FCRL5: variants seen among roughly 807,000 people sequenced by gnomAD.
FCRL5 encodes the protein Fc receptor-like protein 5.
In FCRL5, 79 loss-of-function variants were observed where a neutral mutation model predicts 92.1. That is an observed-to-expected ratio of 0.86 (90% CI 0.72 to 1.03). The LOEUF is 1.03. Ranked by LOEUF, FCRL5 falls within the 50% of genes least tolerant of loss-of-function variation. The pLI is 0.00. For synonymous variants in FCRL5, 466 were observed against 469.3 expected, an observed-to-expected ratio of 0.99 and a Z score of 0.09; for missense variants, 1,160 against 1,181.1, an observed-to-expected ratio of 0.98 and a Z score of 0.26.
intron 9 of FCRL5, among the ~76,000 whole-genome samples, chr1:157,526,458 T>A (rs1376507200): frequency 2.0e-5 from 3 of 151,250 alleles, no homozygotes; most frequent in African/African-American, 7.3e-5. Flanking sequence ...CAAGAGAGGG[T>A]TTTCCTTGGA....
rs1180662180 is a variant in FCRL5 at position 157,521,092 on chromosome 1, A to G, written c.2440T>C (p.Ser814Pro). ...TCGGCCTCACAGGAGTAGTTTCCAG[A>G]GTGCTCTGCAGTCAGAGAGAGGTTT... ...SLNLSLTAEH[S>P]GNYSCEADNG... is the part of the protein sequence containing the mutation. Residue 814 changes from serine (S) to proline (P), a missense_variant, in exon 11 of 17, where the codon TCT (serine) becomes CCT (proline). Coordinates refer to ENST00000361835, the MANE Select transcript of FCRL5 (RefSeq NM_031281.3). The G allele has an allele frequency of 3.7e-6, 6 of 1,614,204 alleles. No individual in the cohort carries two copies. Among genetic ancestry groups the G allele is most frequent in the Non-Finnish European group, 5.1e-6 (6 of 1,180,040 alleles).
At chr1:157,542,564 G>A (rs758171455) in intron 6 of FCRL5, 3 of 382,580 alleles carry the variant, frequency 7.8e-6, no homozygotes, top group Non-Finnish European at 1.4e-5. Flanking sequence ...AGTCATCTGG[G>A]GAGCCACAGG....
chr1:157,530,417 A>G (rs1478777674), intron 8 of FCRL5, among the ~76,000 whole-genome samples: 1 of 152,148 alleles, frequency 6.6e-6, no homozygotes, highest in African/African-American at 2.4e-5. Context: ...CCCAGGCTGG[A>G]GTGCAATGGC....
Position 157,518,729 on chromosome 1 carries a change from C to T in FCRL5, c.2714G>A (p.Trp905Ter), listed in dbSNP as rs200367166. The T allele has an allele frequency of 1.2e-4, 192 of 1,613,512 alleles. No homozygotes were observed. Among genetic ancestry groups the T allele is most frequent in the Non-Finnish European group, 1.4e-5 (17 of 1,179,914 alleles). Reference sequence around the variant, plus strand: ...AGTGTACACTGGTTGCAGCTCTTCCCAGGCTGGTACATTGTGATAGGTGGG... The same window carrying T: ...AGTGTACACTGGTTGCAGCTCTTCCTAGGCTGGTACATTGTGATAGGTGGG... ...QEPTYHNVPAWEELQPVYTNA... is the reference protein window; with the variant it reads ...QEPTYHNVPA The change falls in exon 14 of 17, where the codon TGG becomes TAG. Residue 905 changes from tryptophan (W) to a stop codon, truncating the protein, a stop_gained. Transcript: ENST00000361835. LOFTEE classifies it high-confidence loss of function.
At chr1:157,542,743 A>G in intron 6 of FCRL5, 116 bp downstream of exon 6, 2 of 1,257,322 alleles carry the variant, frequency 1.6e-6, no homozygotes, top group South Asian at 2.9e-5. Context: ...GGAGGACATT[A>G]GGTTTTCCCA....
Position 157,536,887 on chromosome 1 carries a change from C to G in FCRL5, c.1403-1995G>C, listed in dbSNP as rs549162186. ...ATTAATACTTTTATAATTTCTTATG[C>G]CTGTCTTTACTGCAATCTCTGAACA... On this transcript the variant is annotated intron_variant, in intron 7 of 16. Transcript: ENST00000361835. Among the ~76,000 whole-genome samples the G allele has an allele frequency of 2.0e-5, 3 of 152,326 alleles. No homozygotes were observed. The East Asian group carries it at 5.8e-4, about 29-fold the overall frequency.
intron 8 of FCRL5, chr1:157,533,091 G>A (rs555351273): frequency 6.6e-6 from 1 of 151,984 alleles, no homozygotes; most frequent in African/African-American, 2.4e-5. Flanking sequence ...TTTCTGAGAC[G>A]ACTGCTTTTT....
At chr1:157,545,625 T>A (rs1366060726) in intron 3 of FCRL5, among the ~76,000 whole-genome samples, 2 of 141,658 alleles carry the variant, frequency 1.4e-5, no homozygotes, top group African/African-American at 5.4e-5. Flanking sequence ...ATCTCCCGGG[T>A]TCATGCCATT....
chr1:157,541,701 A>T (rs1401243591), intron 6 of FCRL5: 1 of 152,174 alleles, frequency 6.6e-6, no homozygotes, highest in Non-Finnish European at 1.5e-5. Context: ...TTCTATCCTC[A>T]GGTTGATGTT....
Position 157,527,786 on chromosome 1 carries a change from C to A in FCRL5, c.1791G>T (p.Leu597=), listed in dbSNP as rs951683738. 1.2e-6 allele frequency: 2 copies of A among 1,613,950 alleles called. No homozygotes were observed. Among genetic ancestry groups the A allele is most frequent in the Admixed American group, 1.7e-5 (1 of 60,006 alleles). ...CEAPRGSPPI[L]YWFYHEDVTL... Reference sequence around the variant, plus strand: ...TGACATCCTCATGATAAAACCAGTACAGGATTGGGGGAGAGCCTCTCGGGG... The same window carrying A: ...TGACATCCTCATGATAAAACCAGTAAAGGATTGGGGGAGAGCCTCTCGGGG... The change falls in exon 9 of 17, where the codon CTG becomes CTT. Residue 597 remains leucine (L), a synonymous_variant. Transcript: ENST00000361835.
In FCRL5 at chr1:157,544,338, C is replaced by A. The variant is rs1178540908; in HGVS notation, c.768G>T (p.Gly256=). The part of the protein sequence containing the change: ...QITAMWSKDS[G]FYWCKAATMP... Reference sequence around the variant, plus strand: ...TTGTTGCTGCCTTACACCAGTAGAACCCTGAATCTTTACTCCACATGGCAG... The same window carrying A: ...TTGTTGCTGCCTTACACCAGTAGAAACCTGAATCTTTACTCCACATGGCAG... Residue 256 remains glycine (G), a synonymous_variant, in exon 5 of 17, where the codon GGG becomes GGT. Coordinates refer to ENST00000361835, the MANE Select transcript of FCRL5 (RefSeq NM_031281.3). The A allele has an allele frequency of 1.9e-6, 3 of 1,614,206 alleles. No homozygotes were observed. Among genetic ancestry groups the A allele is most frequent in the South Asian group, 2.2e-5 (2 of 91,084 alleles).
Position 157,544,328 on chromosome 1 carries a change from A to T in FCRL5, c.778T>A (p.Cys260Ser), listed in dbSNP as rs1651418179. Residue 260 changes from cysteine (C) to serine (S), a missense_variant, in exon 5 of 17, where the codon TGT becomes AGT. Cys to Ser is a moderately radical substitution (Grantham distance 112, BLOSUM62 -1). Transcript: ENST00000361835. Reference protein sequence around the residue: ...MWSKDSGFYWCKAATMPYSVI... With the variant: ...MWSKDSGFYWSKAATMPYSVI... ...CTGTAAGGCATTGTTGCTGCCTTAC[A>T]CCAGTAGAACCCTGAATCTTTACTC... 1.2e-6 allele frequency: 2 copies of T among 1,614,066 alleles called. No homozygotes were observed. The highest frequency in any genetic ancestry group is 1.7e-6 in the Non-Finnish European group (2 of 1,180,018).
chr1:157,520,808 C>T (rs1251686201), intron 11 of FCRL5, among the ~76,000 whole-genome samples: 3 of 152,350 alleles, frequency 2.0e-5, no homozygotes, highest in African/African-American at 7.2e-5. Context: ...AAGTCAGTGG[C>T]GCTCTTGCGC....
intron 13 of FCRL5, 90 bp downstream of exon 13, chr1:157,519,653 A>G: frequency 7.1e-7 from 1 of 1,418,348 alleles, no homozygotes; most frequent in East Asian, 2.3e-5. Context: ...CCTGGCAGAA[A>G]CTGTGCTCTT....
Position 157,552,342 on chromosome 1 carries a change from T to A in FCRL5, c.21A>T (p.Leu7Phe), listed in dbSNP as rs777792379. The change falls in exon 1 of 17, where the codon TTA (leucine) becomes TTT (phenylalanine). Residue 7 changes from leucine (L) to phenylalanine (F), a missense_variant. Leu to Phe is a conservative substitution (Grantham distance 22). Transcript: ENST00000361835. ...AGCCCTTTTACTCACCCAGGACCAG[T>A]AATATCACCCACAGCAGCATGAAGA... is the stretch of plus-strand genomic sequence containing the variant. MLLWVI[L>F]LVLAPVSGQF... 5 of 1,613,936 alleles carry A rather than the reference T, an allele frequency of 3.1e-6. No individual in the cohort carries two copies. The Admixed American group carries it at 6.7e-5, about 22-fold the overall frequency.
rs1476424446 is a variant in FCRL5 at position 157,524,565 on chromosome 1, A to G, written c.1961-8T>C. On this transcript the variant is annotated splice_polypyrimidine_tract_variant and splice_region_variant and intron_variant, in intron 9 of 16. Transcript: ENST00000361835. ...TGGGACGAGATACTGGAACTGAGGGAGGAAAAACGTTATGTATCAGCTGCT... is the reference window on the plus strand; with the variant it reads ...TGGGACGAGATACTGGAACTGAGGGGGGAAAAACGTTATGTATCAGCTGCT... The G allele has an allele frequency of 6.4e-7, 1 of 1,567,910 alleles. No homozygotes were observed. Among genetic ancestry groups the G allele is most frequent in the Non-Finnish European group, 8.6e-7 (1 of 1,157,792 alleles).
In FCRL5 at chr1:157,528,115, A is replaced by G. The variant is rs183575064; in HGVS notation, c.1682-220T>C. ...CCTAGATCTGATAAATGAGTTCAGT[A>G]AAGTTTCAGGATACAAAATCAATGT... On this transcript the variant is annotated intron_variant, in intron 8 of 16. Coordinates refer to ENST00000361835, the MANE Select transcript of FCRL5 (RefSeq NM_031281.3). 3.9e-4 allele frequency: 160 copies of G among 412,526 alleles called. No homozygotes were observed. The East Asian group carries it at 6.0e-3, about 15-fold the overall frequency. 25.6% of individuals were successfully genotyped at this position (412,526 alleles called of 1,614,324 possible). A position where few individuals can be genotyped will look rare whatever the true frequency, so the allele number is the denominator to read the frequency against.
intron 8 of FCRL5, chr1:157,528,192 A>G (rs1263318903): frequency 4.6e-6 from 1 of 219,006 alleles, no homozygotes; most frequent in Non-Finnish European, 8.9e-6. Context: ...CTGAGAATCA[A>G]ATAAAAAATT....
intron 7 of FCRL5, among the ~76,000 whole-genome samples, chr1:157,538,386 T>C (rs1178342579): frequency 1.3e-5 from 2 of 152,222 alleles, no homozygotes; most frequent in Non-Finnish European, 1.5e-5. Context: ...TCCTTCAACA[T>C]TGAACCTGGC....
Sources: allele counts gnomAD v4.1 joint callset (sites outside exome capture counted in the v4.1 genomes callset), GRCh38; gene constraint gnomAD v4.1.1; transcripts MANE v1.5; gene names NCBI Gene and HGNC (gene_info 2026-07-23, HGNC 2026-07-21).